LAMA1: variants seen among roughly 807,000 people sequenced by gnomAD.
LAMA1 encodes the protein laminin subunit alpha 1.
LAMA1 carries 219 observed loss-of-function variants against 348.7 expected under a neutral mutation model. That is an observed-to-expected ratio of 0.63 (90% confidence interval 0.56 to 0.70). The LOEUF is 0.70. Among genes scored for constraint, LAMA1 ranks in the 30% least tolerant of loss-of-function variants. The probability of loss-of-function intolerance (pLI) is 0.00; values close to 1 mark genes in which losing one functional copy is unlikely to be tolerated. For synonymous variants in LAMA1, 1,487 were observed against 1,491.0 expected (o/e 1.00, Z 0.06); for missense variants, 3,744 against 3,888.0 (o/e 0.96, Z 0.99).
chr18:7,037,450 G>T, intron 12 of LAMA1, 128 bp downstream of exon 12: 1 of 995,230 alleles, frequency 1.0e-6, no homozygotes, highest in Non-Finnish European at 1.6e-6. Context: ...TGCAAGTACA[G>T]GCTATGAAAT....
chr18:7,085,152 A>G (rs555287699), intron 1 of LAMA1, among the ~76,000 whole-genome samples: 1 of 152,246 alleles, frequency 6.6e-6, no homozygotes, highest in South Asian at 2.1e-4. Flanking sequence ...ATCTGAGGCA[A>G]TATTTCCAGA....
intron 60 of LAMA1, among the ~76,000 whole-genome samples, chr18:6,947,534 C>G (rs768440004): frequency 7.2e-5 from 11 of 152,184 alleles, no homozygotes; most frequent in Non-Finnish European, 1.6e-4. Context: ...CCAGGCACCT[C>G]CTTCATCTGT....
chr18:7,112,023 TCTCAAA>T, intron 1 of LAMA1, among the ~76,000 whole-genome samples: 1 of 152,344 alleles, frequency 6.6e-6, no homozygotes, highest in South Asian at 2.1e-4. Flanking sequence ...ATAGAATTGT[TCTCAAA>T]CTCAACTTCT....
chr18:6,974,807 A>C, intron 46 of LAMA1, 96 bp downstream of exon 46: 2 of 1,490,458 alleles, frequency 1.3e-6, no homozygotes, highest in Non-Finnish European at 1.9e-6. Flanking sequence ...ACTTTCCAGA[A>C]GTTTCAAAGC....
At position 7,036,085 on chromosome 18, in the gene LAMA1, T is replaced by C. The variant is rs374647834; in HGVS notation, c.1741A>G (p.Thr581Ala). Residue 581 changes from threonine (T) to alanine (A), a missense_variant, in exon 13 of 63, where the codon ACT (threonine) becomes GCT (alanine). Around this residue, in one of 3 missense-constraint regions of LAMA1, gnomAD observed 1,529 missense variants for 1,689.4 expected, o/e 0.91. Coordinates refer to ENST00000389658, the MANE Select transcript of LAMA1 (RefSeq NM_005559.4). Reference sequence around the variant, plus strand: ...TATTTCAGGAATCCGCCAAACGCAGTCAGCTGAAATGTTTAAGCGAGAATG... The same window carrying C: ...TATTTCAGGAATCCGCCAAACGCAGCCAGCTGAAATGTTTAAGCGAGAATG... Reference protein sequence around the residue: ...APEAYLGNKLTAFGGFLKYTV... With the variant: ...APEAYLGNKLAAFGGFLKYTV... The C allele has an allele frequency of 3.1e-6, 5 of 1,611,760 alleles. No individual in the cohort carries two copies. The African/African-American group carries it at 4.0e-5, about 13-fold the overall frequency.
intron 1 of LAMA1, among the ~76,000 whole-genome samples, chr18:7,091,428 T>G (rs1288332881): frequency 1.3e-5 from 2 of 152,224 alleles, no homozygotes; most frequent in Non-Finnish European, 2.9e-5. Context: ...TTATATCATT[T>G]ATGACACTTA....
At chr18:7,051,238 A>G (rs2144203436) in intron 3 of LAMA1, among the ~76,000 whole-genome samples, 1 of 152,316 alleles carries the variant, frequency 6.6e-6, no homozygotes, top group African/African-American at 2.4e-5. Flanking sequence ...TGCTCATCAT[A>G]TACACAAAAG....
intron 1 of LAMA1, among the ~76,000 whole-genome samples, chr18:7,093,494 T>G (rs1176122304): frequency 2.0e-5 from 3 of 151,714 alleles, no homozygotes; most frequent in Non-Finnish European, 4.4e-5. Context: ...CCAGAGTAAG[T>G]TTAGTAGGGA....
rs1264754734 is a variant in LAMA1, at chr18:7,117,692, A to C, written c.29T>G (p.Leu10Arg). 6.3e-7 allele frequency: 1 copy of C among 1,598,866 alleles called. No individual in the cohort carries two copies. The highest frequency in any genetic ancestry group is 8.5e-7 in the Non-Finnish European group (1 of 1,178,646). MRGGVLLVLLLCVAAQCRQR... is the reference protein window; with the variant it reads MRGGVLLVLRLCVAAQCRQR... ...CCGGCACTGCGCGGCGACACACAGC[A>C]GCAAGACCAGGAGCACGCCCCCGCG... The change falls in exon 1 of 63, where the codon CTG becomes CGG. Residue 10 changes from leucine to arginine, a missense_variant. Coordinates refer to ENST00000389658, the MANE Select transcript of LAMA1 (RefSeq NM_005559.4).
At chr18:7,079,692 A>C (rs1212648134) in intron 3 of LAMA1, 1 of 460,754 alleles carries the variant, frequency 2.2e-6, no homozygotes, top group South Asian at 2.2e-5. Flanking sequence ...ACAGCCTGAC[A>C]TGATACCCTG....
chr18:7,031,329 T>A (rs1176651409), intron 16 of LAMA1, among the ~76,000 whole-genome samples: 1 of 152,154 alleles, frequency 6.6e-6, no homozygotes, highest in Non-Finnish European at 1.5e-5. Flanking sequence ...TGATTGAAGT[T>A]AAGAAACAAG....
Position 6,982,503 on chromosome 18 carries a change from G to C in LAMA1, c.5884C>G (p.Leu1962Val), listed in dbSNP as rs748177102. 1 of 1,614,008 alleles carries C rather than the reference G, an allele frequency of 6.2e-7. No individual in the cohort carries two copies. The highest frequency in any genetic ancestry group is 1.7e-5 in the Admixed American group (1 of 60,006). Reference sequence around the variant, plus strand: ...GTCCGAGCCACATACTGACCTGGAAGCTTCCTGCTGAGGTTGTTGCCTTCT... The same window carrying C: ...GTCCGAGCCACATACTGACCTGGAACCTTCCTGCTGAGGTTGTTGCCTTCT... ...LKEGNNLSRK[L>V]PGIALELSEL... The change falls in exon 41 of 63, where the codon CTT (leucine) becomes GTT (valine). Residue 1962 changes from leucine to valine, a missense_variant. By Grantham distance (32) the Leu-to-Val change is conservative. Around this residue, in one of 3 missense-constraint regions of LAMA1, gnomAD observed 1,983 missense variants for 1,934.3 expected, o/e 1.03. Transcript: ENST00000389658.
At chr18:6,973,232 A>G (rs62081527) in intron 46 of LAMA1, 25 bp from the exon 47 acceptor site, 2 of 1,611,302 alleles carry the variant, frequency 1.2e-6, no homozygotes, top group Admixed American at 3.3e-5. Context: ...GAATTGCAAA[A>G]GAAATTTTCA....
intron 1 of LAMA1, among the ~76,000 whole-genome samples, 168 bp downstream of exon 1, chr18:7,117,492 C>T (rs922311328): frequency 1.2e-4 from 18 of 152,122 alleles, no homozygotes; most frequent in Admixed American, 2.0e-4. Flanking sequence ...CCCCATCCAG[C>T]CCTCCCCGGC....
intron 56 of LAMA1, chr18:6,956,259 G>A (rs972803673): frequency 5.7e-6 from 2 of 348,456 alleles, no homozygotes; most frequent in Non-Finnish European, 1.1e-5. Context: ...CTAATGAATT[G>A]AATCTTTTTT....
intron 36 of LAMA1, 63 bp downstream of exon 36, chr18:6,992,498 G>T: frequency 6.5e-7 from 1 of 1,550,028 alleles, no homozygotes. Context: ...CTTCTCCTTT[G>T]GAGATAGCGT....
chr18:7,012,069 G>A lies in LAMA1; in HGVS notation c.3433C>T (p.Leu1145=). The part of the protein sequence containing the change: ...GTFALRADNP[L]GCSPCFCSGL... Reference sequence around the variant, plus strand: ...GAGCAGAAGCACGGGCTGCAGCCCAGGGGGTTGTCTGCGCGGAGAGCGAAG... The same window carrying A: ...GAGCAGAAGCACGGGCTGCAGCCCAAGGGGTTGTCTGCGCGGAGAGCGAAG... The change falls in exon 24 of 63, where the codon CTG becomes TTG. Residue 1145 remains leucine (L), a synonymous_variant. Transcript: ENST00000389658. 1 of 1,613,106 alleles carries A rather than the reference G, an allele frequency of 6.2e-7. No homozygotes were observed. The highest frequency in any genetic ancestry group is 8.5e-7 in the Non-Finnish European group (1 of 1,179,508).
At chr18:7,046,468 T>C (rs1485747386) in intron 5 of LAMA1, 101 bp from the exon 6 acceptor site, 10 of 674,652 alleles carry the variant, frequency 1.5e-5, no homozygotes, top group Non-Finnish European at 2.4e-5. Context: ...TAAGAGTTTT[T>C]ATTGGTAATC....
chr18:6,953,165 T>C (rs12956512), intron 57 of LAMA1, among the ~76,000 whole-genome samples: 1,971 of 140,568 alleles, frequency 0.014, 94 homozygotes, highest in African/African-American at 0.059. Context: ...CATGTCTGCC[T>C]GTGTCCAGCG....
Sources: allele counts gnomAD v4.1 joint callset (sites outside exome capture counted in the v4.1 genomes callset), GRCh38; gene constraint gnomAD v4.1.1; regional missense constraint gnomAD v4.1.1; transcripts MANE v1.5; gene names NCBI Gene and HGNC (gene_info 2026-07-23, HGNC 2026-07-21).